Variants in WASF3 observed in about 807,000 individuals in gnomAD.
WASF3 encodes actin-binding protein WASF3.
Under a neutral mutation model 46.6 loss-of-function variants are expected in WASF3, and 11 were observed. The observed-to-expected ratio is 0.24, with a 90% CI of 0.15 to 0.39. The LOEUF is 0.39. Among genes scored for constraint, WASF3 ranks in the 10% least tolerant of loss-of-function variants. The pLI, the probability that WASF3 is intolerant of heterozygous loss-of-function variation, is 1.00. For synonymous variants in WASF3, 242 were observed against 259.7 expected (o/e 0.93, Z 0.65); for missense variants, 576 against 669.8 (o/e 0.86, Z 1.55).
intron 3 of WASF3, among the ~76,000 whole-genome samples, chr13:26,656,808 A>T (rs1457830149): frequency 6.6e-6 from 1 of 152,160 alleles, no homozygotes; most frequent in Non-Finnish European, 1.5e-5. Context: ...TATAATCTAT[A>T]GTTCCTTGTA....
At chr13:26,608,750 G>A (rs1292237395) in intron 1 of WASF3, among the ~76,000 whole-genome samples, 1 of 152,104 alleles carries the variant, frequency 6.6e-6, no homozygotes, top group Non-Finnish European at 1.5e-5. Context: ...GAAACACAAA[G>A]ATTGCTGTCT....
chr13:26,636,637 G>T (rs1183457906), intron 2 of WASF3, among the ~76,000 whole-genome samples: 1 of 152,168 alleles, frequency 6.6e-6, no homozygotes, highest in African/African-American at 2.4e-5. Context: ...GTTCCTATTC[G>T]GCCATCTTGG....
At chr13:26,550,390 G>A in the WASF3 span, among the ~76,000 whole-genome samples, 1 of 152,174 alleles carries the variant, frequency 6.6e-6, no homozygotes, top group Non-Finnish European at 1.5e-5. Context: ...TTCAGGTGCT[G>A]AAGGGAACAG....
At chr13:26,554,768 A>G (rs1350512373), upstream of WASF3, among the ~76,000 whole-genome samples, 2 of 152,212 alleles carry the variant, frequency 1.3e-5, no homozygotes, top group Non-Finnish European at 2.9e-5. Flanking sequence ...GTATGGATGT[A>G]CTGCAATTTG....
chr13:26,587,320 A>G (rs1880160777), intron 1 of WASF3, among the ~76,000 whole-genome samples: 2 of 150,744 alleles, frequency 1.3e-5, no homozygotes. Context: ...AAGGTGGTGT[A>G]TCATCAATCC....
At chr13:26,620,869 A>G (rs1881284124) in intron 2 of WASF3, among the ~76,000 whole-genome samples, 1 of 152,210 alleles carries the variant, frequency 6.6e-6, no homozygotes, top group Non-Finnish European at 1.5e-5. Flanking sequence ...GTCCTCTAAA[A>G]ATAGGTACTT....
chr13:26,683,763 C>A (rs905692982), intron 9 of WASF3, among the ~76,000 whole-genome samples: 1 of 152,190 alleles, frequency 6.6e-6, no homozygotes, highest in Non-Finnish European at 1.5e-5. Flanking sequence ...CGTTGACCCC[C>A]TGACCACAAA....
At chr13:26,681,934 G>C (rs1883244225) in intron 8 of WASF3, among the ~76,000 whole-genome samples, 2 of 152,182 alleles carry the variant, frequency 1.3e-5, no homozygotes, top group South Asian at 4.1e-4. Flanking sequence ...AAATTACCGT[G>C]TGTTGGTGTC....
chr13:26,679,910 C>A lies in WASF3; in HGVS notation c.717-1144C>A. On this transcript the variant is annotated intron_variant, in intron 7 of 9. Coordinates refer to ENST00000335327, the MANE Select transcript of WASF3 (RefSeq NM_006646.6). The surrounding 1 kb of genome is among the most constrained non-coding windows in gnomAD (Gnocchi z 4.8). ...AAGCTGTCTCTTCTCATTTGGAAGG[C>A]TTTTCTGTGCCACATGGTGCCCCAG... 8.7e-7 allele frequency: 1 copy of A among 1,149,552 alleles called. No individual in the cohort carries two copies. The highest frequency in any genetic ancestry group is 1.2e-6 in the Non-Finnish European group (1 of 830,198). The allele number at this position is 1,149,552 out of a possible 1,614,324, so 71.2% of individuals were successfully genotyped here. A position where few individuals can be genotyped will look rare whatever the true frequency, so the allele number is the denominator to read the frequency against.
chr13:26,595,419 C>G (rs1310248517), intron 1 of WASF3, among the ~76,000 whole-genome samples: 1 of 152,138 alleles, frequency 6.6e-6, no homozygotes, highest in African/African-American at 2.4e-5. Context: ...CCCAGCTTCC[C>G]CAAAGGTGAC....
At chr13:26,633,200 C>CCTTTTTTTTTT (rs71188737) in intron 2 of WASF3, among the ~76,000 whole-genome samples, 1 of 90,422 alleles carries the variant, frequency 1.1e-5, no homozygotes, top group Non-Finnish European at 2.1e-5. Context: ...TTAGTTATTT[C>CCTTTTTTTTTT]TTTTTTTTTT....
At chr13:26,604,050 C>G (rs1880722187) in intron 1 of WASF3, among the ~76,000 whole-genome samples, 1 of 152,120 alleles carries the variant, frequency 6.6e-6, no homozygotes, top group South Asian at 2.1e-4. Flanking sequence ...AAGATAGAGT[C>G]AGTCATAGAA....
chr13:26,599,913 C>A (rs756117563), intron 1 of WASF3, among the ~76,000 whole-genome samples: 1 of 152,176 alleles, frequency 6.6e-6, no homozygotes, highest in Non-Finnish European at 1.5e-5. Context: ...CAAAAGGCAT[C>A]ATTTCTAAGT....
At chr13:26,621,656 C>T (rs1376710607) in intron 2 of WASF3, among the ~76,000 whole-genome samples, 1 of 152,140 alleles carries the variant, frequency 6.6e-6, no homozygotes, top group Non-Finnish European at 1.5e-5. Context: ...ACATTTGTCC[C>T]AGTGAAATGA....
intron 2 of WASF3, among the ~76,000 whole-genome samples, chr13:26,634,069 C>G (rs1881740614): frequency 6.6e-6 from 1 of 152,064 alleles, no homozygotes; most frequent in Non-Finnish European, 1.5e-5. Context: ...CTCGATCTGT[C>G]TAATATTGAC....
At chr13:26,654,689 G>A (rs1284009680) in intron 3 of WASF3, among the ~76,000 whole-genome samples, 1 of 152,110 alleles carries the variant, frequency 6.6e-6, no homozygotes, top group African/African-American at 2.4e-5. Flanking sequence ...AGTTAATTAT[G>A]GTTGACTTTT....
At chr13:26,663,352 A>G (rs1357382917) in intron 3 of WASF3, among the ~76,000 whole-genome samples, 1 of 152,246 alleles carries the variant, frequency 6.6e-6, no homozygotes, top group Non-Finnish European at 1.5e-5. Context: ...ATAAACGAGC[A>G]TTAATTCTGG....
chr13:26,549,219 A>G, the WASF3 span, among the ~76,000 whole-genome samples: 1 of 151,942 alleles, frequency 6.6e-6, no homozygotes, highest in African/African-American at 2.4e-5. Context: ...TGACCTCATG[A>G]TCCACCCGCC....
At chr13:26,582,128 T>C (rs1017022083) in intron 1 of WASF3, among the ~76,000 whole-genome samples, 3 of 152,338 alleles carry the variant, frequency 2.0e-5, no homozygotes, top group Non-Finnish European at 4.4e-5. Flanking sequence ...ATAAATGTTA[T>C]CTTGCTTTCT....
Sources: allele counts gnomAD v4.1 joint callset (sites outside exome capture counted in the v4.1 genomes callset), GRCh38; gene constraint gnomAD v4.1.1; non-coding constraint Gnocchi (gnomAD v3.1); transcripts MANE v1.5; gene names NCBI Gene and HGNC (gene_info 2026-07-23, HGNC 2026-07-21).